LRP2: variants seen among roughly 807,000 people sequenced by gnomAD.
LRP2 encodes the protein LDL receptor related protein 2, also known as low-density lipoprotein receptor-related protein 2.
In LRP2, 172 loss-of-function variants were observed where a neutral mutation model predicts 531.0. The ratio of observed to expected loss-of-function variants is 0.32; its 90% CI spans 0.29 to 0.37. The LOEUF is 0.37. Among genes scored for constraint, LRP2 ranks in the 10% least tolerant of loss-of-function variants. The pLI is 1.00. For synonymous variants in LRP2, 1,992 were observed against 2,027.6 expected (o/e 0.98, Z 0.47); for missense variants, 5,167 against 5,868.3 (o/e 0.88, Z 3.90).
At chr2:169,248,249 T>C (rs1690091040) in intron 19 of LRP2, among the ~76,000 whole-genome samples, 1 of 148,972 alleles carries the variant, frequency 6.7e-6, no homozygotes, top group Middle Eastern at 3.4e-3. Context: ...AAAATAAACA[T>C]ATATTTTTAA....
Position 169,175,269 on chromosome 2 carries a change from G to T in LRP2, c.10692C>A (p.Asn3564Lys). The change falls in exon 55 of 79, where the codon AAC becomes AAA. Residue 3564 changes from asparagine to lysine, a missense_variant. By Grantham distance (94) the Asn-to-Lys change is moderately conservative. Coordinates refer to ENST00000649046, the MANE Select transcript of LRP2 (RefSeq NM_004525.3). ...RLGQFQCSDGNCTSPQTLCNA... is the reference protein window; with the variant it reads ...RLGQFQCSDGKCTSPQTLCNA... ...TGCATAAAGTCTGCGGGCTGGTGCAGTTGCCGTCACTGCACTGGAACTGTC... is the reference window on the plus strand; with the variant it reads ...TGCATAAAGTCTGCGGGCTGGTGCATTTGCCGTCACTGCACTGGAACTGTC... 6.2e-7 allele frequency: 1 copy of T among 1,614,222 alleles called. No homozygotes were observed. Among genetic ancestry groups the T allele is most frequent in the South Asian group, 1.1e-5 (1 of 91,090 alleles).
intron 1 of LRP2, among the ~76,000 whole-genome samples, chr2:169,350,489 C>T (rs1056374709): frequency 1.3e-5 from 2 of 151,814 alleles, no homozygotes; most frequent in African/African-American, 4.8e-5. Flanking sequence ...TTTGAGAGGC[C>T]GAGGGAGGAG....
chr2:169,312,342 A>T (rs181456772), intron 3 of LRP2, among the ~76,000 whole-genome samples: 1 of 152,124 alleles, frequency 6.6e-6, no homozygotes, highest in East Asian at 1.9e-4. Flanking sequence ...GGCTGGTACC[A>T]GTTGTTCCTT....
intron 1 of LRP2, among the ~76,000 whole-genome samples, chr2:169,355,944 G>A (rs1427996737): frequency 1.3e-5 from 2 of 152,316 alleles, no homozygotes; most frequent in South Asian, 2.1e-4. Flanking sequence ...AGGCTGGAGT[G>A]CAGTGGCATG....
At chr2:169,330,735 A>G (rs187195742) in intron 1 of LRP2, among the ~76,000 whole-genome samples, 1 of 152,276 alleles carries the variant, frequency 6.6e-6, no homozygotes, top group African/African-American at 2.4e-5. Flanking sequence ...ACTCCCAGGC[A>G]CATCTATGCC....
rs1559064109 is a variant in LRP2 at position 169,299,167 on chromosome 2, GAAAGAA to G, written c.428-4463_428-4458del. On this transcript the variant is annotated intron_variant, in intron 4 of 78. Coordinates refer to ENST00000649046, the MANE Select transcript of LRP2 (RefSeq NM_004525.3). ...AGAAAGAAAGAAAGAAAAAAAGAAA[GAAAGAA>G]AAAGAAAGAAAGAAAGAAATTCAGC... Among the ~76,000 whole-genome samples the G allele has an allele frequency of 4.8e-4, 7 of 14,574 alleles. 2 individuals carry two copies. The East Asian group carries it at 9.5e-3, about 20-fold the overall frequency. 9.6% of individuals were successfully genotyped at this position (14,574 alleles called of 152,430 possible). A position where few individuals can be genotyped will look rare whatever the true frequency, so the allele number is the denominator to read the frequency against.
At chr2:169,226,664 C>T (rs968597343) in intron 31 of LRP2, 76 bp from the exon 32 acceptor site, 9 of 1,075,894 alleles carry the variant, frequency 8.4e-6, no homozygotes, top group Non-Finnish European at 8.5e-6. Flanking sequence ...AAGGCAATAG[C>T]CTGTTACCAT....
At chr2:169,157,917 GAAATAAATAAATAAATAAAT>G (rs71397691) in intron 63 of LRP2, among the ~76,000 whole-genome samples, 4 of 130,736 alleles carry the variant, frequency 3.1e-5, no homozygotes, top group South Asian at 5.3e-4. Flanking sequence ...ATAACAGATA[GAAATAAATAAATAAATAAAT>G]AAATAAATAA....
chr2:169,273,455 G>A (rs1347627448), intron 14 of LRP2, among the ~76,000 whole-genome samples: 2 of 152,122 alleles, frequency 1.3e-5, no homozygotes, highest in Non-Finnish European at 2.9e-5. Context: ...TGCTTACTTT[G>A]TAAGTAAACC....
chr2:169,159,930 C>T (rs1686510567), intron 63 of LRP2, among the ~76,000 whole-genome samples: 1 of 152,154 alleles, frequency 6.6e-6, no homozygotes, highest in African/African-American at 2.4e-5. Context: ...GAGTCCTTAA[C>T]AAGAGCAGAA....
chr2:169,279,220 TA>T (rs1377354530), intron 12 of LRP2, 151 bp downstream of exon 12: 2 of 662,734 alleles, frequency 3.0e-6, no homozygotes, highest in African/African-American at 3.6e-5. Flanking sequence ...AAAGCTTCTA[TA>T]AATAAGGGCA....
chr2:169,141,461 C>A (rs1183509814), intron 71 of LRP2, among the ~76,000 whole-genome samples: 1 of 152,202 alleles, frequency 6.6e-6, no homozygotes, highest in Non-Finnish European at 1.5e-5. Flanking sequence ...TTACCTCCAG[C>A]ACTTAGAACA....
intron 37 of LRP2, among the ~76,000 whole-genome samples, chr2:169,211,755 C>T (rs116507342): frequency 2.5e-4 from 38 of 152,176 alleles, no homozygotes; most frequent in African/African-American, 9.2e-4. Context: ...AATCTGGGGA[C>T]GAGGTCTGGA....
chr2:169,193,820 A>T lies in LRP2; in HGVS notation c.8771T>A (p.Ile2924Asn), dbSNP rs2105314206. 6.2e-7 allele frequency: 1 copy of T among 1,614,160 alleles called. No homozygotes were observed. The highest frequency in any genetic ancestry group is 8.5e-7 in the Non-Finnish European group (1 of 1,180,016). Residue 2924 changes from isoleucine to asparagine, a missense_variant, in exon 47 of 79, where the codon ATC (isoleucine) becomes AAC (asparagine). Ile to Asn is a moderately radical substitution (Grantham distance 149). Around this residue, in one of 6 missense-constraint regions of LRP2, gnomAD observed 1,129 missense variants for 1,362.7 expected, o/e 0.83. Coordinates refer to ENST00000649046, the MANE Select transcript of LRP2 (RefSeq NM_004525.3). ...DGGRCIPSEWICDGDNDCGDM... is the reference protein window; with the variant it reads ...DGGRCIPSEWNCDGDNDCGDM... Reference sequence around the variant, plus strand: ...CCCACAGTCATTATCACCGTCACAGATCCATTCGCTTGGGATGCACCTCCC... The same window carrying T: ...CCCACAGTCATTATCACCGTCACAGTTCCATTCGCTTGGGATGCACCTCCC...
intron 68 of LRP2, among the ~76,000 whole-genome samples, chr2:169,148,184 A>G (rs1215529861): frequency 6.6e-6 from 1 of 152,246 alleles, no homozygotes; most frequent in Non-Finnish European, 1.5e-5. Context: ...TTTCATTAAA[A>G]AGGACACACA....
intron 58 of LRP2, among the ~76,000 whole-genome samples, chr2:169,171,458 G>T (rs1046193526): frequency 1.3e-5 from 2 of 152,084 alleles, no homozygotes; most frequent in African/African-American, 4.8e-5. Flanking sequence ...CCAATGCCTT[G>T]TAGTCAATAC....
chr2:169,312,760 G>A (rs7604111), intron 3 of LRP2, among the ~76,000 whole-genome samples: 50,618 of 151,960 alleles, frequency 0.33, 9,011 homozygotes, highest in African/African-American at 0.47. Flanking sequence ...GCCTTGCTAG[G>A]TTGGGGAAGT....
intron 68 of LRP2, 98 bp from the exon 69 acceptor site, chr2:169,147,057 A>T (rs1415262430): frequency 7.4e-6 from 7 of 951,666 alleles, no homozygotes; most frequent in Non-Finnish European, 1.2e-5. Context: ...CCAACTGTTT[A>T]TCTCAGGGAC....
At chr2:169,168,501 A>T in intron 61 of LRP2, 38 bp downstream of exon 61, 4 of 1,613,444 alleles carry the variant, frequency 2.5e-6, no homozygotes, top group Non-Finnish European at 3.4e-6. Flanking sequence ...TTTGACAGAC[A>T]ACACCACTCC....
Sources: allele counts gnomAD v4.1 joint callset (sites outside exome capture counted in the v4.1 genomes callset), GRCh38; gene constraint gnomAD v4.1.1; regional missense constraint gnomAD v4.1.1; transcripts MANE v1.5; gene names NCBI Gene and HGNC (gene_info 2026-07-23, HGNC 2026-07-21).